Variants in MGAT5B observed in about 807,000 individuals in gnomAD.
The protein encoded by MGAT5B is alpha-1,6-mannosylglycoprotein 6-beta-N-acetylglucosaminyltransferase B.
MGAT5B carries 54 observed loss-of-function variants against 95.1 expected under a neutral mutation model. The observed-to-expected ratio is 0.57, with a 90% CI of 0.46 to 0.71. The LOEUF is 0.71. Among genes scored for constraint, MGAT5B ranks in the 30% least tolerant of loss-of-function variants. MGAT5B has a pLI of 0.00. For missense variants in MGAT5B, 935 were observed against 1,088.6 expected, an observed-to-expected ratio of 0.86 and a Z score of 1.99; for synonymous variants, 464 against 451.0, an observed-to-expected ratio of 1.03 and a Z score of -0.36.
At chr17:76,939,265 C>T (rs1447199926) in intron 13 of MGAT5B, among the ~76,000 whole-genome samples, 4 of 151,784 alleles carry the variant, frequency 2.6e-5, no homozygotes, top group African/African-American at 7.3e-5. Context: ...TTTGGGAGGC[C>T]GAGGTGGGCG....
At chr17:76,903,177 C>T in intron 4 of MGAT5B, 126 bp from the exon 5 acceptor site, 1 of 725,818 alleles carries the variant, frequency 1.4e-6, no homozygotes, top group Non-Finnish European at 2.2e-6. Flanking sequence ...GGTTGTGCGG[C>T]TGATGAGCTT....
At chr17:76,932,574 C>T in intron 10 of MGAT5B, 71 bp from the exon 11 acceptor site, 1 of 1,593,416 alleles carries the variant, frequency 6.3e-7, no homozygotes, top group Non-Finnish European at 8.6e-7. Context: ...TTGGGCGGGG[C>T]AGTCCAGGGA....
Position 76,917,217 on chromosome 17 carries a change from G to A in MGAT5B, c.1026-7749G>A, listed in dbSNP as rs1242144180. 2.0e-5 allele frequency among the ~76,000 whole-genome samples: 3 copies of A among 152,166 alleles called. No individual in the cohort carries two copies. Among genetic ancestry groups the A allele is most frequent in the Non-Finnish European group, 4.4e-5 (3 of 68,038 alleles). On this transcript the variant is annotated intron_variant, in intron 8 of 17. Transcript: ENST00000569840. This position sits in a 1 kb window ranked among gnomAD's most constrained non-coding sequence, Gnocchi z 6.1. The stretch of plus-strand genomic sequence containing the variant: ...GGCTCGGGATACGAGTGCGCTGACT[G>A]ATGAGCCAGGCAGGTCCGAATGTTC...
rs1966896408 is a variant in MGAT5B, at chr17:76,869,077, G to T, written c.48G>T (p.Leu16=). Residue 16 remains leucine, a synonymous_variant, in exon 1 of 18, where the codon CTG becomes CTT. Transcript: ENST00000569840. This position sits in a 1 kb window ranked among gnomAD's most constrained non-coding sequence, Gnocchi z 7.0. ...PDGKIMVRRC[L]VTLRPFRLFV... is the part of the protein sequence containing the mutation. ...GGAAGATAATGGTCAGAAGATGCCT[G>T]GTCACCCTGAGACCCTTTCGGTAAA... 2 of 1,613,974 alleles carry T rather than the reference G, an allele frequency of 1.2e-6. No individual in the cohort carries two copies. The highest frequency in any genetic ancestry group is 1.1e-5 in the South Asian group (1 of 91,088).
chr17:76,901,093 T>G (rs1968299215), intron 3 of MGAT5B, among the ~76,000 whole-genome samples: 1 of 152,158 alleles, frequency 6.6e-6, no homozygotes, highest in Non-Finnish European at 1.5e-5. Flanking sequence ...TCCCCCGATG[T>G]GTATGGGGCC....
chr17:76,919,077 C>T (rs1444124313), intron 8 of MGAT5B, among the ~76,000 whole-genome samples: 3 of 152,146 alleles, frequency 2.0e-5, no homozygotes, highest in South Asian at 2.1e-4. Context: ...TGTGGTGGCT[C>T]GTGGAAGGCT....
intron 8 of MGAT5B, 53 bp from the exon 9 acceptor site, chr17:76,924,913 G>T: frequency 6.2e-7 from 1 of 1,605,000 alleles, no homozygotes; most frequent in Middle Eastern, 1.7e-4. Context: ...TGGGGTGGCC[G>T]GTTGGGCAGG....
chr17:76,910,467 AC>A (rs1968694753), intron 8 of MGAT5B, among the ~76,000 whole-genome samples: 1 of 152,142 alleles, frequency 6.6e-6, no homozygotes, highest in Non-Finnish European at 1.5e-5. Context: ...ATGCATACTC[AC>A]CCACTCACAT....
At chr17:76,928,958 C>A (rs1031360680) in intron 10 of MGAT5B, among the ~76,000 whole-genome samples, 2 of 151,856 alleles carry the variant, frequency 1.3e-5, no homozygotes, top group African/African-American at 4.8e-5. Context: ...CTCCACCTCC[C>A]GGGTTCAAGC....
intron 3 of MGAT5B, among the ~76,000 whole-genome samples, chr17:76,893,611 C>A (rs1967960393): frequency 6.6e-6 from 1 of 152,238 alleles, no homozygotes; most frequent in African/African-American, 2.4e-5. Context: ...GAGTGAGGCC[C>A]AGGGGATTGT....
intron 6 of MGAT5B, among the ~76,000 whole-genome samples, chr17:76,904,769 G>A (rs577582013): frequency 2.6e-5 from 4 of 152,340 alleles, no homozygotes; most frequent in South Asian, 4.1e-4. Flanking sequence ...TTGTATGATC[G>A]TATTTGACAG....
At chr17:76,922,503 C>G (rs1969151286) in intron 8 of MGAT5B, among the ~76,000 whole-genome samples, 2 of 152,218 alleles carry the variant, frequency 1.3e-5, no homozygotes, top group South Asian at 4.1e-4. Flanking sequence ...CCATGCTTCA[C>G]AGGAAACAAC....
In MGAT5B at chr17:76,924,894, C is replaced by G; in HGVS notation, c.1026-72C>G. The G allele has an allele frequency of 3.2e-6, 5 of 1,574,616 alleles. No individual in the cohort carries two copies. In the South Asian group the frequency reaches 4.6e-5, roughly 14 times the overall value. Reference sequence around the variant, plus strand: ...GCACTTGTACAGTTCATTCTGGGCTCTAAGGAACTGGGGTGGCCGGTTGGG... The same window carrying G: ...GCACTTGTACAGTTCATTCTGGGCTGTAAGGAACTGGGGTGGCCGGTTGGG... On this transcript the variant is annotated intron_variant, in intron 8 of 17. Transcript: ENST00000569840.
rs199593165 is a variant in MGAT5B, at chr17:76,932,635, C to T, written c.1292-10C>T. On this transcript the variant is annotated splice_polypyrimidine_tract_variant and intron_variant, in intron 10 of 17. Coordinates refer to ENST00000569840, the MANE Select transcript of MGAT5B (RefSeq NM_001199172.2). ...GGTGACCCCATTCCTTCTGCGTGCTCGGGCTGCAGCTCATACCCCCGACAA... is the reference window on the plus strand; with the variant it reads ...GGTGACCCCATTCCTTCTGCGTGCTTGGGCTGCAGCTCATACCCCCGACAA... The T allele has an allele frequency of 2.9e-5, 46 of 1,613,332 alleles. No individual in the cohort carries two copies. The highest frequency in any genetic ancestry group is 6.7e-5 in the East Asian group (3 of 44,830).
In MGAT5B at chr17:76,916,388, C is replaced by G. The variant is rs1037194533; in HGVS notation, c.1026-8578C>G. Among the ~76,000 whole-genome samples the G allele has an allele frequency of 6.6e-6, 1 of 152,238 alleles. No homozygotes were observed. Among genetic ancestry groups the G allele is most frequent in the African/African-American group, 2.4e-5 (1 of 41,464 alleles). ...CCGTGTCGCCTTTCCCAGCTCTGGC[C>G]TGGCCTGTGTTGGGGAGGGCTGCAA... On this transcript the variant is annotated intron_variant, in intron 8 of 17. Coordinates refer to ENST00000569840, the MANE Select transcript of MGAT5B (RefSeq NM_001199172.2). This position sits in a 1 kb window ranked among gnomAD's most constrained non-coding sequence, Gnocchi z 5.3.
In MGAT5B at chr17:76,947,985, G is replaced by T; in HGVS notation, c.2079G>T (p.Leu693=). 1 of 1,612,262 alleles carries T rather than the reference G, an allele frequency of 6.2e-7. No individual in the cohort carries two copies. The highest frequency in any genetic ancestry group is 2.2e-5 in the East Asian group (1 of 44,834). ...CCGCGCACGCCCTGCGGGCCTGGCT[G>T]GCCGTGCCTGGGAGGGCCTGCACCG... ...WPPAHALRAW[L]AVPGRACTDT... Residue 693 remains leucine (L), a synonymous_variant, in exon 17 of 18, where the codon CTG becomes CTT. Transcript: ENST00000569840.
At chr17:76,946,251 C>A (rs1022077051) in intron 15 of MGAT5B, 125 bp from the exon 16 acceptor site, 2 of 732,710 alleles carry the variant, frequency 2.7e-6, no homozygotes, top group Admixed American at 2.9e-5. Context: ...ATGGGGTGGT[C>A]GGCTCCCTGG....
rs1567800238 is a variant in MGAT5B at position 76,897,705 on chromosome 17, CTT to C, written c.330-4848_330-4847del. Among the ~76,000 whole-genome samples, 122 of 96,202 alleles carry C rather than the reference CTT, an allele frequency of 1.3e-3. 2 individuals are homozygous for C. The highest frequency in any genetic ancestry group is 6.3e-3 in the African/African-American group (116 of 18,512). 63.1% of individuals were successfully genotyped at this position (96,202 alleles called of 152,430 possible). A position where few individuals can be genotyped will look rare whatever the true frequency, so the allele number is the denominator to read the frequency against. ...TCTTTCTTTCTTTCTTTCTTTCTTT[CTT>C]TCTTTCTTTCTTTCTTTCTTTTTCT... On this transcript the variant is annotated intron_variant, in intron 3 of 17. Transcript: ENST00000569840.
At chr17:76,892,924 G>A (rs1361963575) in intron 3 of MGAT5B, among the ~76,000 whole-genome samples, 1 of 152,124 alleles carries the variant, frequency 6.6e-6, no homozygotes, top group Non-Finnish European at 1.5e-5. Flanking sequence ...TCCTGGGGGT[G>A]GCCCAAGGCC....
Sources: allele counts gnomAD v4.1 joint callset (sites outside exome capture counted in the v4.1 genomes callset), GRCh38; gene constraint gnomAD v4.1.1; non-coding constraint Gnocchi (gnomAD v3.1); transcripts MANE v1.5; gene names NCBI Gene and HGNC (gene_info 2026-07-23, HGNC 2026-07-21).